Variants in ETV6 observed in about 807,000 individuals in gnomAD.
ETV6 encodes ETS variant transcription factor 6.
Under a neutral mutation model 51.1 loss-of-function variants are expected in ETV6, and 16 were observed. The ratio of observed to expected loss-of-function variants is 0.31; its 90% confidence interval spans 0.21 to 0.48. ETV6 has a LOEUF of 0.48. Among genes scored for constraint, ETV6 ranks in the 20% least tolerant of loss-of-function variants. ETV6 has a pLI of 0.99. For missense variants in ETV6, 458 were observed against 594.8 expected (o/e 0.77, Z 2.39); for synonymous variants, 240 against 224.1 (o/e 1.07, Z -0.64).
chr12:11,869,383 A>G lies in ETV6; in HGVS notation c.464-41A>G, dbSNP rs200679306. On this transcript the variant is annotated intron_variant, in intron 4 of 7. Coordinates refer to ENST00000396373, the MANE Select transcript of ETV6 (RefSeq NM_001987.5). The surrounding 1 kb of genome is among the most constrained non-coding windows in gnomAD (Gnocchi z 5.0). Reference sequence around the variant, plus strand: ...CCGCAGGGAGTTTCCTGTCCTGCCAACTCACTGGGGTCTGTGATTGTCTTT... The same window carrying G: ...CCGCAGGGAGTTTCCTGTCCTGCCAGCTCACTGGGGTCTGTGATTGTCTTT... 1.7e-4 allele frequency: 272 copies of G among 1,562,178 alleles called. 1 individual carries two copies. Among genetic ancestry groups the G allele is most frequent in the African/African-American group, 1.1e-3 (85 of 73,978 alleles).
At chr12:11,804,293 C>G (rs530930250) in intron 2 of ETV6, among the ~76,000 whole-genome samples, 87 of 152,318 alleles carry the variant, frequency 5.7e-4, no homozygotes, top group African/African-American at 2.0e-3. Flanking sequence ...ATAAATCAGA[C>G]TGTTACTTCC....
intron 2 of ETV6, among the ~76,000 whole-genome samples, chr12:11,831,641 C>A (rs1345882331): frequency 6.6e-6 from 1 of 152,150 alleles, no homozygotes; most frequent in African/African-American, 2.4e-5. Context: ...AGTGTCAATT[C>A]TTTGAATATT....
chr12:11,736,370 G>C (rs1446001374), intron 1 of ETV6, among the ~76,000 whole-genome samples: 1 of 152,134 alleles, frequency 6.6e-6, no homozygotes, highest in Non-Finnish European at 1.5e-5. Flanking sequence ...GATAATTAGA[G>C]CAATGAACAA....
At chr12:11,651,813 A>G (rs1863911957) in intron 1 of ETV6, among the ~76,000 whole-genome samples, 1 of 152,214 alleles carries the variant, frequency 6.6e-6, no homozygotes, top group Admixed American at 6.5e-5. Flanking sequence ...AAATCTGCCA[A>G]CTACAGATCA....
intron 2 of ETV6, among the ~76,000 whole-genome samples, chr12:11,817,267 T>C (rs1422723238): frequency 6.6e-6 from 1 of 152,200 alleles, no homozygotes; most frequent in African/African-American, 2.4e-5. Flanking sequence ...AATTTATGCT[T>C]TTGCCCTTAG....
intron 2 of ETV6, among the ~76,000 whole-genome samples, chr12:11,807,341 A>G (rs1034336341): frequency 2.6e-5 from 4 of 152,236 alleles, no homozygotes; most frequent in Admixed American, 6.5e-5. Context: ...TATTTAACAC[A>G]TGCAGAAATG....
chr12:11,667,696 A>ATT (rs34458275), intron 1 of ETV6, among the ~76,000 whole-genome samples: 20,382 of 72,812 alleles, frequency 0.28, 4,496 homozygotes, highest in East Asian at 0.44. Context: ...TACCTGGCTA[A>ATT]TTTTTTTTTT....
At chr12:11,693,140 GAA>G (rs996445232) in intron 1 of ETV6, among the ~76,000 whole-genome samples, 2 of 152,150 alleles carry the variant, frequency 1.3e-5, no homozygotes, top group Non-Finnish European at 2.9e-5. Context: ...CCTTGGGAGA[GAA>G]GACTTACGGT....
At chr12:11,803,316 C>T (rs1007084113) in intron 2 of ETV6, among the ~76,000 whole-genome samples, 9 of 152,114 alleles carry the variant, frequency 5.9e-5, no homozygotes, top group Non-Finnish European at 8.8e-5. Flanking sequence ...GAAATTTGTC[C>T]GCTGAGAAGT....
chr12:11,804,854 G>A (rs115755523), intron 2 of ETV6, among the ~76,000 whole-genome samples: 1,685 of 152,298 alleles, frequency 0.011, 34 homozygotes, highest in African/African-American at 0.039. Flanking sequence ...TCTCATGGGA[G>A]ACTCCAGAGT....
chr12:11,856,849 A>G (rs1442514958), intron 4 of ETV6, among the ~76,000 whole-genome samples: 1 of 152,250 alleles, frequency 6.6e-6, no homozygotes, highest in Non-Finnish European at 1.5e-5. Flanking sequence ...AATTATACAT[A>G]TCAAATATTA....
chr12:11,699,590 A>G (rs1479331398), intron 1 of ETV6, among the ~76,000 whole-genome samples: 1 of 152,186 alleles, frequency 6.6e-6, no homozygotes, highest in Non-Finnish European at 1.5e-5. Context: ...ACTTGAAAAT[A>G]TATATAAATA....
chr12:11,654,288 T>A (rs560649058), intron 1 of ETV6, among the ~76,000 whole-genome samples: 1 of 152,158 alleles, frequency 6.6e-6, no homozygotes, highest in Non-Finnish European at 1.5e-5. Context: ...CAGGGAACTT[T>A]CAAACATTCA....
chr12:11,833,520 C>T (rs1946273803), intron 2 of ETV6, among the ~76,000 whole-genome samples: 1 of 152,144 alleles, frequency 6.6e-6, no homozygotes, highest in South Asian at 2.1e-4. Context: ...GCCAAAACAC[C>T]AAATAAGCTT....
At chr12:11,699,085 G>A (rs1429566962) in intron 1 of ETV6, among the ~76,000 whole-genome samples, 1 of 152,180 alleles carries the variant, frequency 6.6e-6, no homozygotes, top group Non-Finnish European at 1.5e-5. Flanking sequence ...AAATACTTAA[G>A]TTCCTGCAAT....
In ETV6 at chr12:11,874,613, T is replaced by C. The variant is rs781586396; in HGVS notation, c.1009+4644T>C. Reference sequence around the variant, plus strand: ...ATACACATATATGTGTATGTGCGTGTGTACACACATATGTGTATGTGTGTG... The same window carrying C: ...ATACACATATATGTGTATGTGCGTGCGTACACACATATGTGTATGTGTGTG... On this transcript the variant is annotated intron_variant, in intron 5 of 7. Transcript: ENST00000396373. 1.0e-3 allele frequency among the ~76,000 whole-genome samples: 10 copies of C among 9,968 alleles called. 1 individual carries two copies. Among genetic ancestry groups the C allele is most frequent in the Non-Finnish European group, 1.9e-3 (3 of 1,580 alleles). The allele number at this position is 9,968 out of a possible 152,430, so 6.5% of individuals were successfully genotyped here.
At position 11,870,089 on chromosome 12, in the gene ETV6, C is replaced by G. The variant is rs2071150; in HGVS notation, c.1009+120C>G. ...CCAATTAGGCGCCCTCCAAGGCTCT[C>G]TGAGGGCAATTGGAGGCTTCTGCTT... On this transcript the variant is annotated intron_variant, in intron 5 of 7. Transcript: ENST00000396373. 785,006 of 1,198,616 alleles carry G rather than the reference C, an allele frequency of 0.65. 261,007 individuals carry two copies. Among genetic ancestry groups the G allele is most frequent in the Non-Finnish European group, 0.69 (602,225 of 876,668 alleles). 74.2% of individuals were successfully genotyped at this position (1,198,616 alleles called of 1,614,324 possible).
At chr12:11,822,090 T>A (rs1946089753) in intron 2 of ETV6, among the ~76,000 whole-genome samples, 1 of 152,238 alleles carries the variant, frequency 6.6e-6, no homozygotes, top group Non-Finnish European at 1.5e-5. Flanking sequence ...AATGTCTCTT[T>A]ACATTCCTTT....
intron 1 of ETV6, among the ~76,000 whole-genome samples, chr12:11,706,939 A>G (rs1865083180): frequency 6.6e-6 from 1 of 152,212 alleles, no homozygotes; most frequent in Admixed American, 6.5e-5. Context: ...CCTCTCTGCC[A>G]GGGGACCAAC....
Sources: gnomAD v4.1 joint callset for allele counts (sites outside exome capture counted in the v4.1 genomes callset) on GRCh38, gnomAD v4.1.1 for gene constraint, Gnocchi (gnomAD v3.1) non-coding constraint, MANE v1.5 for transcripts, NCBI Gene and HGNC (gene_info 2026-07-23, HGNC 2026-07-21) for gene names.